The following GNG4 variants were observed in gnomAD, a reference collection of about 807,000 sequenced individuals.
GNG4 encodes G protein subunit gamma 4.
GNG4 carries 4 observed loss-of-function variants against 5.8 expected under a neutral mutation model. The observed-to-expected ratio is 0.69, with a 90% confidence interval of 0.34 to 1.57. The LOEUF (loss-of-function observed/expected upper bound fraction) is 1.57, where lower values mean the gene tolerates loss of function less well. Ranked by LOEUF, GNG4 falls within the 40% of genes most tolerant of loss-of-function variation. The pLI is 0.06. For missense variants in GNG4, 96 were observed against 95.1 expected, an observed-to-expected ratio of 1.01 and a Z score of -0.04; for synonymous variants, 29 against 32.9, an observed-to-expected ratio of 0.88 and a Z score of 0.41.
At position 235,634,231 on chromosome 1, in the gene GNG4, C is replaced by T. The variant is rs74356706; in HGVS notation, c.-123+15431G>A. Among the ~76,000 whole-genome samples the T allele has an allele frequency of 7.6e-4, 116 of 152,200 alleles. No homozygotes were observed. In the East Asian group the frequency reaches 0.02, roughly 26 times the overall value. ...TGGTTACTGTCTGGGGCCAGTGGCA[C>T]GGGCAGTAAAAAGAATTTGCCAAGA... is the stretch of plus-strand genomic sequence containing the variant. On this transcript the variant is annotated intron_variant, in intron 1 of 3. Transcript: ENST00000391854.
chr1:235,561,408 C>A (rs761628789), intron 3 of GNG4, among the ~76,000 whole-genome samples: 238 of 145,510 alleles, frequency 1.6e-3, no homozygotes, highest in Middle Eastern at 0.014. Context: ...CTCTCTCTCT[C>A]TATATATATA....
intron 1 of GNG4, chr1:235,615,466 C>A: frequency 6.4e-6 from 1 of 156,310 alleles, no homozygotes; most frequent in South Asian, 1.8e-4. Flanking sequence ...TGGGCACCAT[C>A]GTGGTGCCTT....
chr1:235,624,123 G>A (rs529265986), intron 1 of GNG4, among the ~76,000 whole-genome samples: 1 of 144,926 alleles, frequency 6.9e-6, no homozygotes, highest in Admixed American at 7.0e-5. Flanking sequence ...TTTTTTTTGA[G>A]ACGGAGTCTC....
intron 3 of GNG4, among the ~76,000 whole-genome samples, chr1:235,571,537 T>TG (rs1687344773): frequency 6.6e-6 from 1 of 152,200 alleles, no homozygotes; most frequent in Admixed American, 6.5e-5. Context: ...GAATGGTGTT[T>TG]GGGGGGAGAA....
intron 2 of GNG4, among the ~76,000 whole-genome samples, chr1:235,587,258 C>T (rs1687787660): frequency 3.2e-5 from 2 of 63,420 alleles, no homozygotes; most frequent in Admixed American, 3.6e-4. Flanking sequence ...TGTGTGATGA[C>T]AGTGTATGTG....
intron 3 of GNG4, among the ~76,000 whole-genome samples, chr1:235,573,928 A>G (rs755326429): frequency 3.3e-5 from 5 of 152,200 alleles, no homozygotes; most frequent in Non-Finnish European, 5.9e-5. Flanking sequence ...TATGATCACA[A>G]TATACTGTTC....
chr1:235,607,218 A>G (rs12022024), intron 1 of GNG4, among the ~76,000 whole-genome samples: 24,512 of 152,030 alleles, frequency 0.16, 2,940 homozygotes, highest in East Asian at 0.49. Context: ...CAGTGCTGGG[A>G]TGACAGGTAT....
At chr1:235,605,434 C>T (rs376725252) in intron 1 of GNG4, among the ~76,000 whole-genome samples, 21 of 152,106 alleles carry the variant, frequency 1.4e-4, no homozygotes, top group African/African-American at 4.8e-4. Flanking sequence ...CTTGGCCTCC[C>T]AAAGTGCTGA....
intron 1 of GNG4, among the ~76,000 whole-genome samples, chr1:235,633,034 T>C (rs534225082): frequency 6.6e-6 from 1 of 152,288 alleles, no homozygotes; most frequent in East Asian, 1.9e-4. Context: ...GACAGGCTGA[T>C]GTCTGTTGCT....
intron 3 of GNG4, among the ~76,000 whole-genome samples, chr1:235,570,394 CTTT>C (rs11459490): frequency 3.8e-5 from 4 of 105,556 alleles, no homozygotes; most frequent in Non-Finnish European, 5.3e-5. Flanking sequence ...TTCACCTCTT[CTTT>C]TTTTTTTTTT....
At chr1:235,594,881 C>T in intron 2 of GNG4, among the ~76,000 whole-genome samples, 1 of 152,148 alleles carries the variant, frequency 6.6e-6, no homozygotes, top group Non-Finnish European at 1.5e-5. Flanking sequence ...AAGTGGGAGC[C>T]CAGGCAGAGG....
Position 235,649,727 on chromosome 1 carries a change from C to G in GNG4, c.-188G>C, listed in dbSNP as rs2102993627. The G allele has an allele frequency of 6.6e-6, 1 of 151,644 alleles. No homozygotes were observed. Among genetic ancestry groups the G allele is most frequent in the South Asian group, 2.1e-4 (1 of 4,822 alleles). The allele number at this position is 151,644 out of a possible 1,614,324, so 9.4% of individuals were successfully genotyped here. On this transcript the variant is annotated 5_prime_UTR_variant, in exon 1 of 4. Transcript: ENST00000391854. The surrounding 1 kb of genome is among the most constrained non-coding windows in gnomAD (Gnocchi z 5.7). Reference sequence around the variant, plus strand: ...GCTCGCGGGGGGCGGCCAGGCCGAGCGGCATCGCTCCGCATCGGGGCGCGG... The same window carrying G: ...GCTCGCGGGGGGCGGCCAGGCCGAGGGGCATCGCTCCGCATCGGGGCGCGG...
At chr1:235,583,162 T>G (rs965546725) in intron 3 of GNG4, among the ~76,000 whole-genome samples, 2 of 152,234 alleles carry the variant, frequency 1.3e-5, no homozygotes, top group Non-Finnish European at 2.9e-5. Flanking sequence ...CAGAGCCACA[T>G]GCTTTGCCTG....
At chr1:235,594,236 A>C (rs1459560601) in intron 2 of GNG4, among the ~76,000 whole-genome samples, 2 of 152,192 alleles carry the variant, frequency 1.3e-5, no homozygotes, top group Non-Finnish European at 2.9e-5. Context: ...ACCCTGAGCT[A>C]GACACAGGGT....
At chr1:235,597,819 G>A (rs1202584837) in intron 1 of GNG4, among the ~76,000 whole-genome samples, 1 of 151,702 alleles carries the variant, frequency 6.6e-6, no homozygotes, top group Admixed American at 6.6e-5. Flanking sequence ...GTAGAGACAG[G>A]GTTTCACCAT....
chr1:235,619,479 G>A (rs904629125), intron 1 of GNG4, among the ~76,000 whole-genome samples: 7 of 152,140 alleles, frequency 4.6e-5, no homozygotes, highest in African/African-American at 1.4e-4. Context: ...AAAAGAGCAT[G>A]AGCAAGGAAA....
At chr1:235,552,364 A>G (rs550454969) in intron 3 of GNG4, 127 bp from the exon 4 acceptor site, 5 of 777,034 alleles carry the variant, frequency 6.4e-6, no homozygotes, top group Non-Finnish European at 1.0e-5. Flanking sequence ...GGCCTACAAC[A>G]TGGTCATGCC....
At chr1:235,572,275 C>G (rs1687363497) in intron 3 of GNG4, among the ~76,000 whole-genome samples, 1 of 151,958 alleles carries the variant, frequency 6.6e-6, no homozygotes, top group South Asian at 2.1e-4. Context: ...TCTCGGCTCA[C>G]TGTAACCTCT....
At chr1:235,559,735 C>T (rs965450987) in intron 3 of GNG4, among the ~76,000 whole-genome samples, 2 of 152,238 alleles carry the variant, frequency 1.3e-5, no homozygotes, top group Non-Finnish European at 2.9e-5. Context: ...TCAACAGAGT[C>T]CGTCTCTGAA....
Sources: gnomAD v4.1 joint callset for allele counts (sites outside exome capture counted in the v4.1 genomes callset) on GRCh38, gnomAD v4.1.1 for gene constraint, Gnocchi (gnomAD v3.1) non-coding constraint, MANE v1.5 for transcripts, NCBI Gene and HGNC (gene_info 2026-07-23, HGNC 2026-07-21) for gene names.